Variants in C14orf93 observed in about 807,000 individuals in gnomAD.
The protein encoded by C14orf93 is uncharacterized protein C14orf93.
In C14orf93, 23 loss-of-function variants were observed where a neutral mutation model predicts 44.0. The observed-to-expected ratio is 0.52, with a 90% CI of 0.38 to 0.74. C14orf93 has a LOEUF of 0.74. Among genes scored for constraint, C14orf93 ranks in the 30% least tolerant of loss-of-function variants. C14orf93 has a pLI of 0.00. For missense variants in C14orf93, 579 were observed against 678.9 expected (o/e 0.85, Z 1.64); for synonymous variants, 253 against 265.7 (o/e 0.95, Z 0.46).
At chr14:22,994,828 T>C (rs1467183723) in intron 3 of C14orf93, among the ~76,000 whole-genome samples, 1 of 152,090 alleles carries the variant, frequency 6.6e-6, no homozygotes, top group Non-Finnish European at 1.5e-5. Flanking sequence ...CTATTGGCAT[T>C]TTGAGCTGGA....
chr14:23,003,881 TA>T (rs1566696836), intron 1 of C14orf93, among the ~76,000 whole-genome samples: 69 of 16,474 alleles, frequency 4.2e-3, no homozygotes, highest in Non-Finnish European at 5.1e-3. Flanking sequence ...TATATATATA[TA>T]TATATATATA....
At position 22,995,979 on chromosome 14, in the gene C14orf93, T is replaced by C; in HGVS notation, c.887A>G (p.Asn296Ser). The change falls in exon 3 of 7, where the codon AAC (asparagine) becomes AGC (serine). Residue 296 changes from asparagine (N) to serine (S), a missense_variant. By Grantham distance (46) the Asn-to-Ser change is conservative. Transcript: ENST00000299088. ...PCRTRGSGQK[N>S]SRRKRDLVLS... is the part of the protein sequence containing the mutation. ...TACAAGATCCCGCTTGCGCCTGGAG[T>C]TCTTCTGCCCACTTCCTCTGGTCCT... The C allele has an allele frequency of 6.2e-7, 1 of 1,603,690 alleles. No homozygotes were observed. The highest frequency in any genetic ancestry group is 8.5e-7 in the Non-Finnish European group (1 of 1,173,390).
intron 1 of C14orf93, among the ~76,000 whole-genome samples, chr14:23,008,703 A>G (rs907528244): frequency 6.6e-6 from 1 of 152,254 alleles, no homozygotes; most frequent in African/African-American, 2.4e-5. Flanking sequence ...TAGGGCTCCT[A>G]TAACAGGAGG....
chr14:23,008,440 G>A (rs532777939), intron 1 of C14orf93, among the ~76,000 whole-genome samples: 1 of 152,274 alleles, frequency 6.6e-6, no homozygotes, highest in East Asian at 1.9e-4. Context: ...TTGAAATAGA[G>A]TAGGATGCTA....
intron 1 of C14orf93, among the ~76,000 whole-genome samples, chr14:23,003,877 TATATATATATATATATATATA>T (rs1219135105): frequency 2.9e-3 from 43 of 14,930 alleles, no homozygotes; most frequent in African/African-American, 0.011. Flanking sequence ...TATATATATA[TATATATATATATATATATATA>T]TTTTTTTTTT....
intron 1 of C14orf93, 41 bp from the exon 2 acceptor site, chr14:22,999,443 TCTC>T (rs150932126): frequency 1.1e-4 from 19 of 167,302 alleles, no homozygotes; most frequent in South Asian, 3.1e-4. Flanking sequence ...TGTAGATCTG[TCTC>T]CTCCTCCTCC....
At position 22,998,861 on chromosome 14, in the gene C14orf93, C is replaced by T. The variant is rs1247259008; in HGVS notation, c.163G>A (p.Val55Ile). The change falls in exon 2 of 7, where the codon GTT becomes ATT. Residue 55 changes from valine (V) to isoleucine (I), a missense_variant. By Grantham distance (29) the Val-to-Ile change is conservative. Coordinates refer to ENST00000299088, the MANE Select transcript of C14orf93 (RefSeq NM_021944.4). ...PITVTGHGLA[V>I]QSSEQLLHVI... is the part of the protein sequence containing the mutation. ...TGCAGGAGCTGCTCTGAGCTCTGAA[C>T]AGCCAAGCCATGTCCAGTCACTGTG... The T allele has an allele frequency of 7.4e-6, 12 of 1,614,042 alleles. No individual in the cohort carries two copies. Among genetic ancestry groups the T allele is most frequent in the Non-Finnish European group, 1.0e-5 (12 of 1,180,010 alleles).
chr14:23,005,196 T>A (rs762229828), intron 1 of C14orf93: 14 of 151,806 alleles, frequency 9.2e-5, no homozygotes, highest in Non-Finnish European at 2.1e-4. Flanking sequence ...GCAAAGGCGC[T>A]TATATAGTAA....
In C14orf93 at chr14:22,999,097, G is replaced by T; in HGVS notation, c.-74C>A. 1 of 1,521,490 alleles carries T rather than the reference G, an allele frequency of 6.6e-7. No individual in the cohort carries two copies. The highest frequency in any genetic ancestry group is 2.0e-5 in the Admixed American group (1 of 50,944). The allele number at this position is 1,521,490 out of a possible 1,614,324, so 94.2% of individuals were successfully genotyped here. A position where few individuals can be genotyped will look rare whatever the true frequency, so the allele number is the denominator to read the frequency against. ...CAGGTAGGAAGCATCAACTTCTCTG[G>T]ACTCACTTTCCTTTCTCAATGAGGA... On this transcript the variant is annotated 5_prime_UTR_variant, in exon 2 of 7. Transcript: ENST00000299088.
intron 1 of C14orf93, among the ~76,000 whole-genome samples, chr14:23,009,451 CAA>C (rs767589104): frequency 8.5e-5 from 13 of 152,058 alleles, no homozygotes; most frequent in Middle Eastern, 3.2e-3. Flanking sequence ...CAAATAACCC[CAA>C]GTTATAACTT....
intron 3 of C14orf93, among the ~76,000 whole-genome samples, chr14:22,993,389 T>G (rs2045778597): frequency 6.6e-6 from 1 of 152,218 alleles, no homozygotes; most frequent in African/African-American, 2.4e-5. Flanking sequence ...TAGGAAAGTA[T>G]TGTCAACTCT....
At chr14:23,004,201 C>G (rs1389598027) in intron 1 of C14orf93, among the ~76,000 whole-genome samples, 1 of 149,054 alleles carries the variant, frequency 6.7e-6, no homozygotes, top group Non-Finnish European at 1.5e-5. Context: ...AGCCATCGTT[C>G]CCGGCCAAAA....
At chr14:23,007,408 G>A (rs2046682197) in intron 1 of C14orf93, among the ~76,000 whole-genome samples, 1 of 152,192 alleles carries the variant, frequency 6.6e-6, no homozygotes, top group Non-Finnish European at 1.5e-5. Context: ...GTGTGTACAC[G>A]ATTATAAGCA....
chr14:23,004,111 T>C (rs1361563616), intron 1 of C14orf93, among the ~76,000 whole-genome samples: 1 of 149,638 alleles, frequency 6.7e-6, no homozygotes, highest in Non-Finnish European at 1.5e-5. Context: ...GGTTTCACCA[T>C]ATTGGCCAGG....
intron 1 of C14orf93, among the ~76,000 whole-genome samples, chr14:23,000,663 C>T (rs964070506): frequency 2.0e-5 from 3 of 148,384 alleles, no homozygotes; most frequent in African/African-American, 7.6e-5. Context: ...TTGCAGTGAG[C>T]CGAGATGGTG....
At chr14:23,002,400 C>T (rs2046356356) in intron 1 of C14orf93, among the ~76,000 whole-genome samples, 1 of 146,362 alleles carries the variant, frequency 6.8e-6, no homozygotes, top group African/African-American at 2.5e-5. Context: ...TGCAGTGAGC[C>T]GAGATCACGC....
At position 22,996,977 on chromosome 14, in the gene C14orf93, G is replaced by GCACA. The variant is rs1566682527; in HGVS notation, c.598-713_598-710dup. ...AAATACTGAAAGTGGGGACACACAC[G>GCACA]CACACGCACACACACACACACACAC... On this transcript the variant is annotated intron_variant, in intron 2 of 6. Transcript: ENST00000299088. This position sits in a 1 kb window ranked among gnomAD's most constrained non-coding sequence, Gnocchi z 4.1. Among the ~76,000 whole-genome samples, 3 of 149,236 alleles carry GCACA rather than the reference G, an allele frequency of 2.0e-5. No homozygotes were observed. The highest frequency in any genetic ancestry group is 7.7e-5 in the African/African-American group (3 of 39,086).
Position 22,998,680 on chromosome 14 carries a change from C to G in C14orf93, c.344G>C (p.Arg115Pro). Residue 115 changes from arginine (R) to proline (P), a missense_variant, in exon 2 of 7, where the codon CGG becomes CCG. Coordinates refer to ENST00000299088, the MANE Select transcript of C14orf93 (RefSeq NM_021944.4). Reference protein sequence around the residue: ...VSIPDEDGESRAHSSPPEEPG... With the variant: ...VSIPDEDGESPAHSSPPEEPG... ...CTCCTCAGGTGGGGAACTATGTGCC[C>G]GGCTTTCCCCATCTTCATCAGGGAT... 1 of 1,614,168 alleles carries G rather than the reference C, an allele frequency of 6.2e-7. No individual in the cohort carries two copies. The highest frequency in any genetic ancestry group is 8.5e-7 in the Non-Finnish European group (1 of 1,180,000).
rs1313327875 is a variant in C14orf93 at position 22,996,023 on chromosome 14, C to T, written c.843G>A (p.Gly281=). The T allele has an allele frequency of 6.2e-7, 1 of 1,614,192 alleles. No homozygotes were observed. Among genetic ancestry groups the T allele is most frequent in the Non-Finnish European group, 8.5e-7 (1 of 1,180,028 alleles). The change falls in exon 3 of 7, where the codon GGG becomes GGA. Residue 281 remains glycine (G), a synonymous_variant. Coordinates refer to ENST00000299088, the MANE Select transcript of C14orf93 (RefSeq NM_021944.4). This position sits in a 1 kb window ranked among gnomAD's most constrained non-coding sequence, Gnocchi z 4.1. ...GSTGELRHSL[G]LTVSPCRTRG... is the part of the protein sequence containing the mutation. Reference sequence around the variant, plus strand: ...TGGTCCTGCATGGGGAAACGGTCAGCCCTAGAGAGTGTCTCAGCTCCCCAG... The same window carrying T: ...TGGTCCTGCATGGGGAAACGGTCAGTCCTAGAGAGTGTCTCAGCTCCCCAG...
Sources: gnomAD v4.1 joint callset for allele counts (sites outside exome capture counted in the v4.1 genomes callset) on GRCh38, gnomAD v4.1.1 for gene constraint, Gnocchi (gnomAD v3.1) non-coding constraint, MANE v1.5 for transcripts, NCBI Gene and HGNC (gene_info 2026-07-23, HGNC 2026-07-21) for gene names.